VGLL4: variants seen among roughly 807,000 people sequenced by gnomAD.
VGLL4 encodes the protein vestigial like family member 4.
A neutral mutation model predicts 21.0 loss-of-function variants in VGLL4; 7 were observed. The ratio of observed to expected loss-of-function variants is 0.33; its 90% CI spans 0.19 to 0.63. VGLL4 has a LOEUF of 0.63. Among genes scored for constraint, VGLL4 ranks in the 20% least tolerant of loss-of-function variants. The pLI, the probability that VGLL4 is intolerant of heterozygous loss-of-function variation, is 0.78. For missense variants in VGLL4, 394 were observed against 425.7 expected (o/e 0.93, Z 0.66); for synonymous variants, 222 against 173.2 (o/e 1.28, Z -2.21).
chr3:11,566,197 T>C (rs533919625), intron 2 of VGLL4, among the ~76,000 whole-genome samples: 1 of 152,002 alleles, frequency 6.6e-6, no homozygotes, highest in Non-Finnish European at 1.5e-5. Context: ...CACAGAATGT[T>C]ACACACACAC....
intron 2 of VGLL4, among the ~76,000 whole-genome samples, chr3:11,691,565 G>A (rs1011417307): frequency 2.0e-5 from 3 of 152,202 alleles, no homozygotes; most frequent in Non-Finnish European, 4.4e-5. Context: ...TCAGCTCATG[G>A]ACAACAGTGG....
At chr3:11,636,974 C>T (rs965636647) in intron 1 of VGLL4, among the ~76,000 whole-genome samples, 3 of 151,766 alleles carry the variant, frequency 2.0e-5, no homozygotes, top group South Asian at 4.2e-4. Context: ...GAGAAAACAA[C>T]CTCTCAGGAT....
At chr3:11,662,858 T>TA (rs1281145082) in intron 2 of VGLL4, among the ~76,000 whole-genome samples, 2 of 152,126 alleles carry the variant, frequency 1.3e-5, no homozygotes, top group African/African-American at 4.8e-5. Flanking sequence ...GGCTACAAAA[T>TA]AAACAACAGT....
chr3:11,644,582 G>C (rs909224807), upstream of VGLL4, among the ~76,000 whole-genome samples: 2 of 152,100 alleles, frequency 1.3e-5, no homozygotes, highest in Non-Finnish European at 2.9e-5. Context: ...AGGGGGCCGG[G>C]TGTAGTGGCT....
In VGLL4 at chr3:11,568,922, A is replaced by G; in HGVS notation, c.273-3903T>C. The stretch of plus-strand genomic sequence containing the variant: ...GGCCTCATCCCCATCCTAGGCGGGC[A>G]CTTCCACTGCCAGCTGCCCACGGAG... On this transcript the variant is annotated intron_variant, in intron 2 of 4. Transcript: ENST00000430365. This position sits in a 1 kb window ranked among gnomAD's most constrained non-coding sequence, Gnocchi z 5.9. 7.9e-7 allele frequency: 1 copy of G among 1,261,142 alleles called. No homozygotes were observed. Among genetic ancestry groups the G allele is most frequent in the Non-Finnish European group, 1.0e-6 (1 of 997,168 alleles). The allele number at this position is 1,261,142 out of a possible 1,614,324, so 78.1% of individuals were successfully genotyped here.
chr3:11,644,446 C>T (rs2075755718), upstream of VGLL4, among the ~76,000 whole-genome samples: 1 of 152,166 alleles, frequency 6.6e-6, no homozygotes. Flanking sequence ...GGGTATCACC[C>T]TTTCACAGCA....
intron 1 of VGLL4, among the ~76,000 whole-genome samples, chr3:11,636,095 T>A (rs2075581535): frequency 6.6e-6 from 1 of 152,212 alleles, no homozygotes; most frequent in Non-Finnish European, 1.5e-5. Context: ...AATTTTAAAT[T>A]AATCTCTTGT....
At chr3:11,714,283 T>C (rs527259605) in intron 1 of VGLL4, among the ~76,000 whole-genome samples, 70 of 152,278 alleles carry the variant, frequency 4.6e-4, no homozygotes, top group Non-Finnish European at 5.9e-4. Context: ...AAAGTGACTA[T>C]ATGGTGGGCC....
chr3:11,571,072 C>T (rs2073755647), intron 2 of VGLL4, among the ~76,000 whole-genome samples: 1 of 152,108 alleles, frequency 6.6e-6, no homozygotes, highest in African/African-American at 2.4e-5. Flanking sequence ...GCAGAGACAC[C>T]CTCCTAAGTA....
chr3:11,575,724 A>G (rs1025264408), intron 2 of VGLL4, among the ~76,000 whole-genome samples: 8 of 152,208 alleles, frequency 5.3e-5, no homozygotes, highest in African/African-American at 1.7e-4. Context: ...CATTCTCCCT[A>G]TGGTGGCCCA....
intron 2 of VGLL4, among the ~76,000 whole-genome samples, chr3:11,593,711 A>G (rs1470306871): frequency 6.6e-6 from 1 of 152,226 alleles, no homozygotes; most frequent in Non-Finnish European, 1.5e-5. Context: ...ACTCAAGGGC[A>G]CACCAGAATC....
At chr3:11,562,023 G>A (rs185647619) in intron 3 of VGLL4, among the ~76,000 whole-genome samples, 8 of 150,262 alleles carry the variant, frequency 5.3e-5, no homozygotes, top group African/African-American at 2.0e-4. Context: ...TCAGCCTCCC[G>A]AGTAGCTGGG....
intron 1 of VGLL4, among the ~76,000 whole-genome samples, chr3:11,717,636 C>T (rs747809439): frequency 4.0e-5 from 6 of 151,860 alleles, no homozygotes; most frequent in Admixed American, 1.3e-4. Flanking sequence ...ACACCGCGCC[C>T]GGCCCAGAAC....
chr3:11,702,397 G>A (rs928633677), intron 2 of VGLL4, among the ~76,000 whole-genome samples: 1 of 148,496 alleles, frequency 6.7e-6, no homozygotes, highest in Non-Finnish European at 1.5e-5. Context: ...ATCATTTGAG[G>A]TCAGGAGTTT....
chr3:11,668,645 C>A (rs543871636), intron 2 of VGLL4, among the ~76,000 whole-genome samples: 131 of 152,310 alleles, frequency 8.6e-4, no homozygotes, highest in African/African-American at 3.2e-3. Context: ...AAAGTCCAAG[C>A]CTCTGCAGAA....
chr3:11,587,519 T>C (rs933050302), intron 2 of VGLL4, among the ~76,000 whole-genome samples: 1 of 152,116 alleles, frequency 6.6e-6, no homozygotes, highest in Non-Finnish European at 1.5e-5. Context: ...AAAAATAAAA[T>C]AAACGCAACA....
intron 2 of VGLL4, among the ~76,000 whole-genome samples, chr3:11,658,784 T>C (rs1203638074): frequency 6.6e-6 from 1 of 152,122 alleles, no homozygotes; most frequent in Non-Finnish European, 1.5e-5. Context: ...TATGCACTTA[T>C]AAAACGCACT....
At chr3:11,573,538 A>T (rs1227359867) in intron 2 of VGLL4, among the ~76,000 whole-genome samples, 1 of 152,150 alleles carries the variant, frequency 6.6e-6, no homozygotes, top group Non-Finnish European at 1.5e-5. Context: ...CAAGGCAGCC[A>T]TCCACTTTGC....
intron 2 of VGLL4, among the ~76,000 whole-genome samples, chr3:11,572,501 G>A (rs549172261): frequency 3.9e-5 from 6 of 152,258 alleles, no homozygotes; most frequent in South Asian, 2.1e-4. Context: ...ACATGCAGAC[G>A]CATGAGGTCC....
Sources: allele counts gnomAD v4.1 joint callset (sites outside exome capture counted in the v4.1 genomes callset), GRCh38; gene constraint gnomAD v4.1.1; non-coding constraint Gnocchi (gnomAD v3.1); transcripts MANE v1.5; gene names NCBI Gene and HGNC (gene_info 2026-07-23, HGNC 2026-07-21).